Variants in FRMD3 observed in about 807,000 individuals in gnomAD.
FRMD3 encodes FERM domain containing 3.
FRMD3 carries 33 observed loss-of-function variants against 70.2 expected under a neutral mutation model. The observed-to-expected ratio is 0.47, with a 90% CI of 0.36 to 0.63. The LOEUF (loss-of-function observed/expected upper bound fraction) is 0.63. Ranked by LOEUF, FRMD3 falls within the 20% of genes least tolerant of loss-of-function variation. FRMD3 has a pLI of 0.00. For missense variants in FRMD3, 632 were observed against 711.4 expected (o/e 0.89, Z 1.27); for synonymous variants, 279 against 255.9 (o/e 1.09, Z -0.86).
chr9:83,465,620 A>G (rs1255500326), intron 1 of FRMD3, among the ~76,000 whole-genome samples: 1 of 152,112 alleles, frequency 6.6e-6, no homozygotes, highest in East Asian at 1.9e-4. Flanking sequence ...TTTCTTGGAG[A>G]GGGCAAATCT....
chr9:83,300,713 C>A (rs954389435), intron 10 of FRMD3, among the ~76,000 whole-genome samples: 2 of 152,134 alleles, frequency 1.3e-5, no homozygotes, highest in Admixed American at 1.3e-4. Flanking sequence ...ATATAAAATA[C>A]ATTTTTAAAA....
intron 1 of FRMD3, among the ~76,000 whole-genome samples, chr9:83,444,896 A>G (rs915852334): frequency 1.3e-5 from 2 of 152,228 alleles, no homozygotes; most frequent in African/African-American, 2.4e-5. Context: ...GTTCAAAGCC[A>G]AATGCATGAT....
the FRMD3 span, among the ~76,000 whole-genome samples, chr9:83,583,411 T>G: frequency 6.6e-6 from 1 of 152,166 alleles, no homozygotes; most frequent in Non-Finnish European, 1.5e-5. Flanking sequence ...GCCTTCCCCC[T>G]GCCAGCCCCA....
At position 83,335,615 on chromosome 9, in the gene FRMD3, T is replaced by A; in HGVS notation, c.497A>T (p.Asp166Val). Residue 166 changes from aspartate (D) to valine (V), a missense_variant, in exon 6 of 14, where the codon GAT (aspartate) becomes GTT (valine). Coordinates refer to ENST00000304195, the MANE Select transcript of FRMD3 (RefSeq NM_174938.6). ...VQAELGDYDP[D>V]EHPENYISEF... Reference sequence around the variant, plus strand: ...ACTGATGTAATTCTCAGGATGCTCATCAGGATCGTAATCACCAAGCTCAGC... The same window carrying A: ...ACTGATGTAATTCTCAGGATGCTCAACAGGATCGTAATCACCAAGCTCAGC... 1 of 1,613,356 alleles carries A rather than the reference T, an allele frequency of 6.2e-7. No homozygotes were observed. The highest frequency in any genetic ancestry group is 8.5e-7 in the Non-Finnish European group (1 of 1,179,496).
intron 1 of FRMD3, among the ~76,000 whole-genome samples, chr9:83,494,499 C>A (rs1039248230): frequency 2.6e-5 from 4 of 152,144 alleles, no homozygotes; most frequent in Non-Finnish European, 5.9e-5. Flanking sequence ...TCCCTGGAAA[C>A]CCACCCCATC....
At chr9:83,465,158 C>T (rs1417943362) in intron 1 of FRMD3, among the ~76,000 whole-genome samples, 1 of 152,194 alleles carries the variant, frequency 6.6e-6, no homozygotes, top group East Asian at 1.9e-4. Flanking sequence ...CATTCGATCT[C>T]ACCAACAATA....
chr9:83,467,678 G>A (rs1179273363), intron 1 of FRMD3: 1 of 1,535,210 alleles, frequency 6.5e-7, no homozygotes, highest in Middle Eastern at 1.7e-4. Context: ...GATTTGCAGT[G>A]CCGTGATCTG....
At chr9:83,294,477 T>G (rs779140387) in intron 12 of FRMD3, among the ~76,000 whole-genome samples, 2 of 152,232 alleles carry the variant, frequency 1.3e-5, no homozygotes, top group Non-Finnish European at 2.9e-5. Flanking sequence ...TGGCTTCATT[T>G]AAAGCAAGAG....
intron 1 of FRMD3, among the ~76,000 whole-genome samples, chr9:83,397,915 G>A (rs1316047545): frequency 6.6e-6 from 1 of 152,194 alleles, no homozygotes; most frequent in Non-Finnish European, 1.5e-5. Flanking sequence ...CTAGGATTAT[G>A]TCTTCTAGGG....
the FRMD3 span, among the ~76,000 whole-genome samples, chr9:83,550,950 T>C: frequency 6.6e-6 from 1 of 152,272 alleles, no homozygotes; most frequent in African/African-American, 2.4e-5. Flanking sequence ...CCTCTCTTCC[T>C]ATTTGTACAC....
intron 1 of FRMD3, among the ~76,000 whole-genome samples, chr9:83,425,730 ACC>A (rs72070659): frequency 1.7e-4 from 26 of 151,174 alleles, no homozygotes. Context: ...ACATGATGAA[ACC>A]CCCATCTCTA....
chr9:83,405,227 G>T (rs1373156762), intron 1 of FRMD3, among the ~76,000 whole-genome samples: 1 of 152,124 alleles, frequency 6.6e-6, no homozygotes, highest in Non-Finnish European at 1.5e-5. Context: ...TAACCTCTCT[G>T]GGCCTCCCAG....
chr9:83,300,803 T>C (rs1453175212), intron 10 of FRMD3, among the ~76,000 whole-genome samples: 1 of 152,234 alleles, frequency 6.6e-6, no homozygotes, highest in Non-Finnish European at 1.5e-5. Flanking sequence ...GATAAGTGAA[T>C]GTACAGATGT....
chr9:83,277,365 CTA>C (rs1288671353), intron 13 of FRMD3, among the ~76,000 whole-genome samples: 2 of 151,952 alleles, frequency 1.3e-5, no homozygotes, highest in Non-Finnish European at 2.9e-5. Context: ...TCTACAATGA[CTA>C]TGGTATTTTT....
At chr9:83,325,823 T>A (rs1238305657) in intron 6 of FRMD3, among the ~76,000 whole-genome samples, 3 of 152,178 alleles carry the variant, frequency 2.0e-5, no homozygotes, top group East Asian at 1.9e-4. Flanking sequence ...AAACTAAGAA[T>A]GGGTTTTACA....
intron 10 of FRMD3, among the ~76,000 whole-genome samples, chr9:83,309,288 A>ACACG (rs1554685549): frequency 4.3e-4 from 65 of 151,696 alleles, no homozygotes; most frequent in African/African-American, 1.5e-3. Flanking sequence ...ACACACACAC[A>ACACG]CACACACACA....
chr9:83,569,015 T>C, the FRMD3 span, among the ~76,000 whole-genome samples: 5 of 151,110 alleles, frequency 3.3e-5, no homozygotes, highest in Admixed American at 1.3e-4. Context: ...TTGGACACAA[T>C]ATTGGGAAAT....
chr9:83,378,226 C>A (rs1367340635), intron 2 of FRMD3, among the ~76,000 whole-genome samples: 1 of 151,322 alleles, frequency 6.6e-6, no homozygotes, highest in African/African-American at 2.4e-5. Context: ...GGTACCATGG[C>A]AGTTTCCATG....
intron 6 of FRMD3, among the ~76,000 whole-genome samples, chr9:83,318,228 C>T (rs2131078080): frequency 6.6e-6 from 1 of 152,326 alleles, no homozygotes; most frequent in African/African-American, 2.4e-5. Context: ...ATAGTGAACA[C>T]TGTAACCCTC....
Sources: allele counts gnomAD v4.1 joint callset (sites outside exome capture counted in the v4.1 genomes callset), GRCh38; gene constraint gnomAD v4.1.1; transcripts MANE v1.5; gene names NCBI Gene and HGNC (gene_info 2026-07-23, HGNC 2026-07-21).